The following CA13 variants were observed in gnomAD, a reference collection of about 807,000 sequenced individuals.
CA13 encodes the protein carbonic anhydrase 13, also known as CA-XIII.
A neutral mutation model predicts 31.5 loss-of-function variants in CA13; 21 were observed. The observed-to-expected ratio is 0.67, with a 90% CI of 0.47 to 0.96. The LOEUF (loss-of-function observed/expected upper bound fraction) is 0.96, where lower values mean the gene tolerates loss of function less well. Among genes scored for constraint, CA13 ranks in the 40% least tolerant of loss-of-function variants. The pLI is 0.00. For missense variants in CA13, 315 were observed against 318.9 expected (o/e 0.99, Z 0.09); for synonymous variants, 117 against 111.4 (o/e 1.05, Z -0.32).
chr8:85,260,758 A>AAT (rs1191142070), intron 3 of CA13, among the ~76,000 whole-genome samples: 1 of 152,184 alleles, frequency 6.6e-6, no homozygotes, highest in Admixed American at 6.6e-5. Context: ...TCATTTACCA[A>AAT]ATAGTTTTCA....
At chr8:85,281,079 A>C in intron 6 of CA13, 151 bp from the exon 7 acceptor site, 2 of 892,672 alleles carry the variant, frequency 2.2e-6, no homozygotes, top group Admixed American at 2.5e-5. Context: ...ATTTAGCAAA[A>C]GAGTTGCTTT....
At chr8:85,246,725 CA>C (rs34950800) in intron 1 of CA13, among the ~76,000 whole-genome samples, 1 of 152,014 alleles carries the variant, frequency 6.6e-6, no homozygotes, top group Admixed American at 6.6e-5. Flanking sequence ...GCAGTGACAC[CA>C]AAAAGCCTTA....
chr8:85,275,595 G>A (rs987189583), intron 6 of CA13, among the ~76,000 whole-genome samples: 4 of 152,046 alleles, frequency 2.6e-5, no homozygotes, highest in African/African-American at 9.7e-5. Context: ...ATTTTGGAGG[G>A]GAGTTGTTGG....
chr8:85,256,310 CAA>C (rs1807295594), intron 2 of CA13, among the ~76,000 whole-genome samples: 1 of 152,110 alleles, frequency 6.6e-6, no homozygotes, highest in Non-Finnish European at 1.5e-5. Flanking sequence ...CTACTACTAA[CAA>C]TAATGGTGTG....
intron 2 of CA13, among the ~76,000 whole-genome samples, chr8:85,251,312 A>T (rs1390690827): frequency 6.6e-6 from 1 of 152,046 alleles, no homozygotes; most frequent in Non-Finnish European, 1.5e-5. Flanking sequence ...TACACTCTCT[A>T]ATCTTTCATG....
chr8:85,257,705 C>CAAA (rs71273928), intron 2 of CA13, among the ~76,000 whole-genome samples: 1 of 142,550 alleles, frequency 7.0e-6, no homozygotes, highest in African/African-American at 2.6e-5. Flanking sequence ...GACCTTGTCT[C>CAAA]AAAAAAAAAA....
intron 6 of CA13, among the ~76,000 whole-genome samples, chr8:85,274,672 G>A (rs1330242054): frequency 6.6e-6 from 1 of 152,194 alleles, no homozygotes; most frequent in Non-Finnish European, 1.5e-5. Flanking sequence ...TGTTGCGAGA[G>A]CATTTCTAGG....
At chr8:85,279,777 A>G (rs546994251) in intron 6 of CA13, among the ~76,000 whole-genome samples, 1 of 152,218 alleles carries the variant, frequency 6.6e-6, no homozygotes, top group South Asian at 2.1e-4. Context: ...CACTCCAGAC[A>G]GACCTGGATT....
chr8:85,260,662 G>A lies in CA13; in HGVS notation c.354+1123G>A, dbSNP rs186099551. Among the ~76,000 whole-genome samples, 3 of 151,214 alleles carry A rather than the reference G, an allele frequency of 2.0e-5. No homozygotes were observed. In the East Asian group the frequency reaches 5.8e-4, roughly 29 times the overall value. On this transcript the variant is annotated intron_variant, in intron 3 of 6. Transcript: ENST00000321764. ...CTCAGGGTAGAGAAATAAAATGTAC[G>A]TACAAAGTTTTTTATGATGGTGGAC...
chr8:85,271,994 G>A (rs777505400), intron 6 of CA13, among the ~76,000 whole-genome samples: 10 of 152,034 alleles, frequency 6.6e-5, no homozygotes, highest in Non-Finnish European at 1.2e-4. Context: ...ACTTGAACCC[G>A]GGAGGCAAGG....
intron 3 of CA13, among the ~76,000 whole-genome samples, chr8:85,264,922 G>C (rs1433120682): frequency 1.3e-5 from 2 of 152,162 alleles, no homozygotes; most frequent in Non-Finnish European, 2.9e-5. Flanking sequence ...TGGCACTACA[G>C]GAATCTACTT....
chr8:85,280,800 A>G (rs557175600), intron 6 of CA13, among the ~76,000 whole-genome samples: 1 of 152,330 alleles, frequency 6.6e-6, no homozygotes, highest in African/African-American at 2.4e-5. Flanking sequence ...GTTGATATGT[A>G]TTGGCATGCA....
intron 6 of CA13, among the ~76,000 whole-genome samples, chr8:85,280,184 G>T (rs1021100929): frequency 1.3e-5 from 2 of 152,168 alleles, no homozygotes; most frequent in African/African-American, 4.8e-5. Flanking sequence ...GGAGGCTGAG[G>T]CAGGAGAATT....
chr8:85,280,989 T>A (rs1807695459), intron 6 of CA13, among the ~76,000 whole-genome samples: 1 of 152,208 alleles, frequency 6.6e-6, no homozygotes, highest in African/African-American at 2.4e-5. Flanking sequence ...ATGTTTCCTC[T>A]TGTTGGCCAG....
chr8:85,249,993 A>G (rs1339973379), intron 1 of CA13: 3 of 248,214 alleles, frequency 1.2e-5, no homozygotes, highest in Non-Finnish European at 1.7e-5. Context: ...GTAGAGGACC[A>G]GGATGATACC....
rs4740047 is a variant in CA13 at position 85,281,577 on chromosome 8, G to A, written c.*228G>A. On this transcript the variant is annotated 3_prime_UTR_variant, in exon 7 of 7. Coordinates refer to ENST00000321764, the MANE Select transcript of CA13 (RefSeq NM_198584.3). ...ACCCAGGCTGGAGGGCAGTGGTACA[G>A]TCTTGGCTAATTGCAGCCTCCAACT... 0.63 allele frequency: 689,669 copies of A among 1,092,664 alleles called. 218,577 individuals carry two copies. The highest frequency in any genetic ancestry group is 0.64 in the African/African-American group (40,033 of 62,190). 67.7% of individuals were successfully genotyped at this position (1,092,664 alleles called of 1,614,324 possible).
intron 2 of CA13, among the ~76,000 whole-genome samples, chr8:85,258,115 C>T (rs1807326194): frequency 2.6e-5 from 4 of 151,660 alleles, no homozygotes. Flanking sequence ...ATCCTCCCTC[C>T]TTGGCTTCCC....
chr8:85,249,213 T>A lies in CA13; in HGVS notation c.38-1527T>A, dbSNP rs117591981. On this transcript the variant is annotated intron_variant, in intron 1 of 6. Transcript: ENST00000321764. ...ATAGTAAGCAGTATCAGATTTAGAGTTTGGGCCAGGCGTGGTGGCTCATGC... is the reference window on the plus strand; with the variant it reads ...ATAGTAAGCAGTATCAGATTTAGAGATTGGGCCAGGCGTGGTGGCTCATGC... Among the ~76,000 whole-genome samples, 820 of 152,234 alleles carry A rather than the reference T, an allele frequency of 5.4e-3. 2 individuals are homozygous for A. Among genetic ancestry groups the A allele is most frequent in the Non-Finnish European group, 9.6e-3 (650 of 68,018 alleles).
intron 6 of CA13, among the ~76,000 whole-genome samples, chr8:85,273,008 G>A (rs1403460367): frequency 6.6e-6 from 1 of 152,126 alleles, no homozygotes; most frequent in Non-Finnish European, 1.5e-5. Context: ...AGTAGAGACA[G>A]GGTTTCATCA....
Sources: gnomAD v4.1 joint callset for allele counts (sites outside exome capture counted in the v4.1 genomes callset) on GRCh38, gnomAD v4.1.1 for gene constraint, MANE v1.5 for transcripts, NCBI Gene and HGNC (gene_info 2026-07-23, HGNC 2026-07-21) for gene names.